Variants in KIAA0825 observed in about 807,000 individuals in gnomAD.
The protein encoded by KIAA0825 is KIAA0825, also known as uncharacterized protein KIAA0825.
A neutral mutation model predicts 147.6 loss-of-function variants in KIAA0825; 119 were observed. The observed-to-expected ratio is 0.81, with a 90% confidence interval of 0.69 to 0.94. KIAA0825 has a LOEUF of 0.94. Ranked by LOEUF, KIAA0825 falls within the 40% of genes least tolerant of loss-of-function variation. KIAA0825 has a pLI of 0.00. For missense variants in KIAA0825, 1,381 were observed against 1,472.7 expected, an observed-to-expected ratio of 0.94 and a Z score of 1.02; for synonymous variants, 470 against 518.1, an observed-to-expected ratio of 0.91 and a Z score of 1.26.
intron 20 of KIAA0825, among the ~76,000 whole-genome samples, chr5:94,236,226 A>G (rs1187383539): frequency 6.6e-6 from 1 of 152,224 alleles, no homozygotes; most frequent in African/African-American, 2.4e-5. Context: ...AACATTTGTG[A>G]CTTGTGGGAG....
intron 20 of KIAA0825, among the ~76,000 whole-genome samples, chr5:94,329,716 G>C (rs530791534): frequency 1.1e-3 from 169 of 152,156 alleles, no homozygotes; most frequent in African/African-American, 3.8e-3. Context: ...GACTCACCTG[G>C]TGGCAGTGAG....
At chr5:94,204,765 C>G (rs959229582) in intron 20 of KIAA0825, among the ~76,000 whole-genome samples, 1 of 152,194 alleles carries the variant, frequency 6.6e-6, no homozygotes, top group Non-Finnish European at 1.5e-5. Flanking sequence ...ATGACCTCCT[C>G]TCCTCTACAG....
In KIAA0825 at chr5:94,509,900, A is replaced by T. The variant is rs537543733; in HGVS notation, c.970+10348T>A. On this transcript the variant is annotated intron_variant, in intron 5 of 20. Transcript: ENST00000682413. The stretch of plus-strand genomic sequence containing the variant: ...AACTATAAGAAAAATGCCCATTAAA[A>T]GTACATCCTCTTCAGATAGCTGAAG... 6.6e-5 allele frequency among the ~76,000 whole-genome samples: 10 copies of T among 152,352 alleles called. No individual in the cohort carries two copies. In the East Asian group the frequency reaches 1.9e-3, roughly 29 times the overall value.
At position 94,200,908 on chromosome 5, in the gene KIAA0825, C is replaced by T. The variant is rs1454667161; in HGVS notation, c.3711-46784G>A. Among the ~76,000 whole-genome samples the T allele has an allele frequency of 3.5e-5, 5 of 143,874 alleles. No individual in the cohort carries two copies. In the East Asian group the frequency reaches 1.0e-3, roughly 29 times the overall value. 94.4% of individuals were successfully genotyped at this position (143,874 alleles called of 152,430 possible). On this transcript the variant is annotated intron_variant, in intron 20 of 20. Transcript: ENST00000682413. ...CTTAGAGGACACAGGTCCATTGTTC[C>T]TCAAAGCTGCTATTTCTCTAGAAAT...
chr5:94,154,202 A>G (rs2149899478), intron 20 of KIAA0825, 78 bp from the exon 21 acceptor site: 1 of 894,620 alleles, frequency 1.1e-6, no homozygotes, highest in Non-Finnish European at 1.8e-6. Context: ...AGTCTTGAAT[A>G]TGTAATCTTG....
At chr5:94,573,267 A>AGC (rs1780315566) in intron 2 of KIAA0825, among the ~76,000 whole-genome samples, 1 of 131,958 alleles carries the variant, frequency 7.6e-6, no homozygotes, top group African/African-American at 3.0e-5. Context: ...GTTCTTTTTA[A>AGC]GTGTTTTTTT....
chr5:94,229,706 A>G (rs926461469), intron 20 of KIAA0825, among the ~76,000 whole-genome samples: 3 of 152,058 alleles, frequency 2.0e-5, no homozygotes, highest in East Asian at 1.9e-4. Context: ...TCAAACTGCT[A>G]TAGAATATTT....
At chr5:94,159,693 C>T (rs892361646) in intron 20 of KIAA0825, among the ~76,000 whole-genome samples, 3 of 152,076 alleles carry the variant, frequency 2.0e-5, no homozygotes, top group African/African-American at 7.2e-5. Flanking sequence ...ACTCTGTTCA[C>T]CCTAGCATGG....
intron 20 of KIAA0825, among the ~76,000 whole-genome samples, chr5:94,197,645 T>C (rs933929582): frequency 2.0e-5 from 3 of 152,210 alleles, no homozygotes; most frequent in African/African-American, 7.2e-5. Flanking sequence ...AGTTGATTTT[T>C]TTGTGCATAG....
chr5:94,520,427 T>C lies in KIAA0825; in HGVS notation c.791A>G (p.Glu264Gly). Reference sequence around the variant, plus strand: ...CACCATTGAAGATGGAGCTAAAATTTCACATAGTGTGTTAAAATCCTCTTT... The same window carrying C: ...CACCATTGAAGATGGAGCTAAAATTCCACATAGTGTGTTAAAATCCTCTTT... ...VIKEDFNTLC[E>G]ILAPSSMVKF... is the part of the protein sequence containing the mutation. Residue 264 changes from glutamate to glycine, a missense_variant, in exon 5 of 21, where the codon GAA (glutamate) becomes GGA (glycine). Glu to Gly is a moderately conservative substitution (Grantham distance 98, BLOSUM62 -2). Transcript: ENST00000682413. 6.2e-7 allele frequency: 1 copy of C among 1,612,872 alleles called. No individual in the cohort carries two copies. Among genetic ancestry groups the C allele is most frequent in the South Asian group, 1.1e-5 (1 of 91,052 alleles).
Position 94,276,550 on chromosome 5 carries a change from G to A in KIAA0825, c.3710+107818C>T, listed in dbSNP as rs146349688. Among the ~76,000 whole-genome samples, 434 of 152,098 alleles carry A rather than the reference G, an allele frequency of 2.9e-3. 4 individuals are homozygous for A. Among genetic ancestry groups the A allele is most frequent in the Admixed American group, 8.8e-3 (134 of 15,258 alleles). Reference sequence around the variant, plus strand: ...ATGCCGCTTATAATATCAGATGGGGGCGTACCAAAAAAATCCCCAAAAGCA... The same window carrying A: ...ATGCCGCTTATAATATCAGATGGGGACGTACCAAAAAAATCCCCAAAAGCA... On this transcript the variant is annotated intron_variant, in intron 20 of 20. Coordinates refer to ENST00000682413, the MANE Select transcript of KIAA0825 (RefSeq NM_001145678.3).
chr5:94,291,248 C>A (rs184770600), intron 20 of KIAA0825, among the ~76,000 whole-genome samples: 1 of 152,280 alleles, frequency 6.6e-6, no homozygotes, highest in Admixed American at 6.5e-5. Flanking sequence ...GGTTTTAGGT[C>A]TTCCATTTAA....
intron 20 of KIAA0825, among the ~76,000 whole-genome samples, chr5:94,216,898 A>G (rs1773248209): frequency 6.6e-6 from 1 of 152,228 alleles, no homozygotes; most frequent in Non-Finnish European, 1.5e-5. Context: ...TCAAATTTCC[A>G]TGAATCTATG....
intron 6 of KIAA0825, among the ~76,000 whole-genome samples, chr5:94,480,862 A>G (rs138939329): frequency 7.8e-4 from 118 of 152,186 alleles, no homozygotes; most frequent in African/African-American, 2.6e-3. Flanking sequence ...AAAAAACTTA[A>G]TTCTGTACAG....
At chr5:94,475,084 A>C (rs569699744) in intron 7 of KIAA0825, among the ~76,000 whole-genome samples, 4 of 150,090 alleles carry the variant, frequency 2.7e-5, no homozygotes, top group Admixed American at 2.7e-4. Context: ...GCGAGACTCC[A>C]TCTCAAAAAA....
chr5:94,423,651 A>G (rs1414319897), intron 14 of KIAA0825, among the ~76,000 whole-genome samples: 2 of 152,206 alleles, frequency 1.3e-5, no homozygotes, highest in Non-Finnish European at 2.9e-5. Context: ...ATGTTGTAGA[A>G]GAGTGTGCCA....
intron 20 of KIAA0825, among the ~76,000 whole-genome samples, chr5:94,225,430 T>C (rs1274755353): frequency 6.6e-6 from 1 of 152,228 alleles, no homozygotes; most frequent in Non-Finnish European, 1.5e-5. Flanking sequence ...ATGGACTAAA[T>C]GTTTGTGTCA....
intron 20 of KIAA0825, among the ~76,000 whole-genome samples, chr5:94,227,658 T>C (rs1774328839): frequency 6.6e-6 from 1 of 151,942 alleles, no homozygotes; most frequent in Non-Finnish European, 1.5e-5. Context: ...AAAGATGAGT[T>C]CATGTCCTTT....
chr5:94,178,112 C>A lies in KIAA0825; in HGVS notation c.3711-23988G>T, dbSNP rs1044847642. Among the ~76,000 whole-genome samples the A allele has an allele frequency of 2.9e-4, 44 of 152,072 alleles. No homozygotes were observed. The East Asian group carries it at 4.1e-3, about 14-fold the overall frequency. ...TATTCATATAAGATTTTCCTATCAT[C>A]TCCTCTGTTTCTTGCTGGGATATTG... On this transcript the variant is annotated intron_variant, in intron 20 of 20. Transcript: ENST00000682413.
Sources: allele counts gnomAD v4.1 joint callset (sites outside exome capture counted in the v4.1 genomes callset), GRCh38; gene constraint gnomAD v4.1.1; transcripts MANE v1.5; gene names NCBI Gene and HGNC (gene_info 2026-07-23, HGNC 2026-07-21).